The following RARB variants were observed in gnomAD, a reference collection of about 807,000 sequenced individuals.
The protein encoded by RARB is retinoic acid receptor beta.
RARB carries 17 observed loss-of-function variants against 51.9 expected under a neutral mutation model. That is an observed-to-expected ratio of 0.33 (90% CI 0.22 to 0.49). The LOEUF is 0.49. RARB is among the 20% of genes least tolerant of loss of function. The pLI is 0.99. For missense variants in RARB, 369 were observed against 550.8 expected (o/e 0.67, Z 3.30); for synonymous variants, 215 against 195.4 (o/e 1.10, Z -0.84).
chr3:25,283,899 C>G (rs1703584947), intron 5 of RARB, among the ~76,000 whole-genome samples: 1 of 152,212 alleles, frequency 6.6e-6, no homozygotes, highest in South Asian at 2.1e-4. Flanking sequence ...CTGGCATTCA[C>G]TCCCTTGAAT....
chr3:25,095,999 T>C (rs55864126), intron 3 of RARB, among the ~76,000 whole-genome samples: 137 of 152,262 alleles, frequency 9.0e-4, no homozygotes, highest in African/African-American at 3.2e-3. Context: ...AACGGCAAAG[T>C]GACTTCTCTC....
intron 5 of RARB, among the ~76,000 whole-genome samples, chr3:25,359,478 G>A (rs1338659785): frequency 6.6e-6 from 1 of 151,544 alleles, no homozygotes; most frequent in Non-Finnish European, 1.5e-5. Flanking sequence ...GTCTCTTTCA[G>A]TTCTGCTCTG....
At chr3:25,320,746 C>G (rs969822684) in intron 5 of RARB, among the ~76,000 whole-genome samples, 1 of 152,068 alleles carries the variant, frequency 6.6e-6, no homozygotes, top group African/African-American at 2.4e-5. Context: ...TTTGTGAAAC[C>G]TGGGGTTTAC....
At chr3:25,254,011 G>A (rs1474991223) in intron 5 of RARB, among the ~76,000 whole-genome samples, 1 of 152,150 alleles carries the variant, frequency 6.6e-6, no homozygotes, top group Non-Finnish European at 1.5e-5. Context: ...GTGCTTTCTA[G>A]TAATTGGCTA....
chr3:25,231,840 A>G (rs1256541802), intron 5 of RARB, among the ~76,000 whole-genome samples: 1 of 152,064 alleles, frequency 6.6e-6, no homozygotes, highest in African/African-American at 2.4e-5. Context: ...ACTTGCAACT[A>G]TTTCTTTTCA....
intron 5 of RARB, among the ~76,000 whole-genome samples, chr3:25,392,563 C>A (rs1045032940): frequency 1.3e-5 from 2 of 152,110 alleles, no homozygotes; most frequent in Non-Finnish European, 2.9e-5. Context: ...TCTGTGATTT[C>A]TTTCAGCAGT....
At chr3:24,928,974 T>C (rs1010060444) in intron 2 of RARB, among the ~76,000 whole-genome samples, 2 of 152,068 alleles carry the variant, frequency 1.3e-5, no homozygotes, top group Admixed American at 1.3e-4. Flanking sequence ...TCAGAGATGA[T>C]CACCATTAGT....
intron 4 of RARB, among the ~76,000 whole-genome samples, chr3:25,153,820 T>G (rs1700332353): frequency 6.6e-6 from 1 of 152,230 alleles, no homozygotes; most frequent in Admixed American, 6.5e-5. Flanking sequence ...ATGTTTATCT[T>G]TCTGCCACAC....
chr3:25,192,659 C>T (rs1701133202), intron 5 of RARB, among the ~76,000 whole-genome samples: 1 of 152,038 alleles, frequency 6.6e-6, no homozygotes, highest in South Asian at 2.1e-4. Context: ...TTACCTCTGG[C>T]AATTAATGAG....
intron 2 of RARB, among the ~76,000 whole-genome samples, chr3:24,924,742 T>A (rs556419392): frequency 6.6e-6 from 1 of 152,270 alleles, no homozygotes; most frequent in East Asian, 1.9e-4. Flanking sequence ...TATAGCATTG[T>A]ACTTTCCAGG....
At chr3:25,320,593 T>C (rs1420155590) in intron 5 of RARB, among the ~76,000 whole-genome samples, 1 of 152,212 alleles carries the variant, frequency 6.6e-6, no homozygotes, top group African/African-American at 2.4e-5. Flanking sequence ...TCATGTCAAA[T>C]ATTTACTTTA....
chr3:24,955,914 A>G (rs909134052), intron 2 of RARB, among the ~76,000 whole-genome samples: 6 of 152,102 alleles, frequency 3.9e-5, no homozygotes, highest in Non-Finnish European at 8.8e-5. Flanking sequence ...GGGCATAGGG[A>G]TGACATCCAG....
chr3:25,364,687 G>A (rs1428607031), intron 5 of RARB, among the ~76,000 whole-genome samples: 1 of 152,160 alleles, frequency 6.6e-6, no homozygotes, highest in African/African-American at 2.4e-5. Flanking sequence ...AGTGAAGGTT[G>A]TTTCTATTTG....
chr3:24,892,786 C>A (rs550572734), intron 2 of RARB, among the ~76,000 whole-genome samples: 2 of 152,152 alleles, frequency 1.3e-5, no homozygotes, highest in East Asian at 1.9e-4. Flanking sequence ...ACAAGAAATG[C>A]GGGAGACATA....
At chr3:25,554,992 C>A (rs775844711) in intron 3 of RARB, among the ~76,000 whole-genome samples, 6 of 152,198 alleles carry the variant, frequency 3.9e-5, no homozygotes, top group Non-Finnish European at 8.8e-5. Context: ...GATGGCAGAG[C>A]ACTCTCGGTC....
intron 2 of RARB, among the ~76,000 whole-genome samples, chr3:25,469,776 C>G (rs1695601317): frequency 6.6e-6 from 1 of 152,118 alleles, no homozygotes; most frequent in South Asian, 2.1e-4. Context: ...CCAGGCCTGT[C>G]CAATAATAGG....
At chr3:25,140,709 T>C (rs955062962) in intron 4 of RARB, among the ~76,000 whole-genome samples, 2 of 152,224 alleles carry the variant, frequency 1.3e-5, no homozygotes, top group African/African-American at 4.8e-5. Flanking sequence ...GGTAAAATGC[T>C]ATCAAACAGC....
At chr3:25,509,184 T>C (rs1384824034) in intron 3 of RARB, among the ~76,000 whole-genome samples, 1 of 152,196 alleles carries the variant, frequency 6.6e-6, no homozygotes, top group Non-Finnish European at 1.5e-5. Context: ...TCTAGCTATC[T>C]CAACTTGGGC....
intron 2 of RARB, 130 bp downstream of exon 2, chr3:25,461,471 A>G: frequency 9.1e-7 from 1 of 1,103,618 alleles, no homozygotes; most frequent in Non-Finnish European, 1.3e-6. Flanking sequence ...ATTCAGTTAT[A>G]TTCAGTGGTT....
Sources: gnomAD v4.1 joint callset for allele counts (sites outside exome capture counted in the v4.1 genomes callset) on GRCh38, gnomAD v4.1.1 for gene constraint, MANE v1.5 for transcripts, NCBI Gene and HGNC (gene_info 2026-07-23, HGNC 2026-07-21) for gene names.